USP24: variants seen among roughly 807,000 people sequenced by gnomAD.
USP24 encodes ubiquitin specific peptidase 24, also known as ubiquitin carboxyl-terminal hydrolase 24.
Under a neutral mutation model 361.6 loss-of-function variants are expected in USP24, and 97 were observed. The ratio of observed to expected loss-of-function variants is 0.27; its 90% CI spans 0.23 to 0.32. The LOEUF is 0.32. USP24 is among the 10% of genes least tolerant of loss of function. The pLI is 1.00. For synonymous variants in USP24, 1,098 were observed against 1,124.6 expected (o/e 0.98, Z 0.47); for missense variants, 2,353 against 3,165.6 (o/e 0.74, Z 6.16).
rs762634378 is a variant in USP24 at position 55,178,060 on chromosome 1, T to C, written c.397A>G (p.Ser133Gly). 171 of 1,551,510 alleles carry C rather than the reference T, an allele frequency of 1.1e-4. No individual in the cohort carries two copies. Among genetic ancestry groups the C allele is most frequent in the Admixed American group, 2.0e-4 (10 of 50,982 alleles). ...GACCAATGATCAGTCAAAACACGGC[T>C]TTCCAGTTCATATAAATTTGTTGTA... ...FPTTNLYELE[S>G]RVLTDHWSIP... The change falls in exon 2 of 68, where the codon AGC becomes GGC. Residue 133 changes from serine (S) to glycine (G), a missense_variant. Physicochemically the swap from Ser to Gly is moderately conservative, Grantham distance 56. Coordinates refer to ENST00000294383, the MANE Select transcript of USP24 (RefSeq NM_015306.3).
At chr1:55,206,045 G>A (rs540559118) in intron 1 of USP24, among the ~76,000 whole-genome samples, 2 of 152,246 alleles carry the variant, frequency 1.3e-5, no homozygotes, top group Non-Finnish European at 2.9e-5. Context: ...GCAAGAAACA[G>A]AACCCTGAAC....
Position 55,094,067 on chromosome 1 carries a change from T to C in USP24, c.6224A>G (p.Glu2075Gly). Residue 2075 changes from glutamate (E) to glycine (G), a missense_variant, in exon 52 of 68, where the codon GAA (glutamate) becomes GGA (glycine). By Grantham distance (98) the Glu-to-Gly change is moderately conservative. Transcript: ENST00000294383. ...DLSLSAPSSP[E>G]ISPQSSPRPH... ...CCGAGGGGATGACTGAGGTGAAATT[T>C]CTGGTGAAGATGGAGCTGACCTAAG... 6.2e-7 allele frequency: 1 copy of C among 1,613,402 alleles called. No individual in the cohort carries two copies. The highest frequency in any genetic ancestry group is 8.5e-7 in the Non-Finnish European group (1 of 1,179,622).
At chr1:55,070,857 G>A (rs1355157604) in intron 67 of USP24, among the ~76,000 whole-genome samples, 5 of 152,190 alleles carry the variant, frequency 3.3e-5, no homozygotes, top group Admixed American at 2.6e-4. Context: ...GGGGATGAGC[G>A]CTAGGGGCTT....
At chr1:55,124,675 A>G (rs41302792) in intron 34 of USP24, 47 bp from the exon 35 acceptor site, 49,701 of 1,596,802 alleles carry the variant, frequency 0.031, 886 homozygotes, top group Non-Finnish European at 0.036. Context: ...ACTTGAACAC[A>G]TGCCCTGACA....
Position 55,125,327 on chromosome 1 carries a change from G to A in USP24, c.3953C>T (p.Ala1318Val), listed in dbSNP as rs1234003323. ...VEEIIPAARV[A>V]IQTMEVSDFT... ...AATACACAAATCACTTACTTGTATT[G>A]CAACTCGAGCAGCAGGGATGATTTC... The change falls in exon 34 of 68, where the codon GCA becomes GTA. Residue 1318 changes from alanine to valine, a missense_variant. Transcript: ENST00000294383. 6.2e-7 allele frequency: 1 copy of A among 1,613,528 alleles called. No homozygotes were observed. The highest frequency in any genetic ancestry group is 8.5e-7 in the Non-Finnish European group (1 of 1,179,492).
At chr1:55,117,891 A>G (rs1646167897) in intron 38 of USP24, among the ~76,000 whole-genome samples, 1 of 152,170 alleles carries the variant, frequency 6.6e-6, no homozygotes, top group Non-Finnish European at 1.5e-5. Flanking sequence ...TTCCACTTAC[A>G]ATAGCATCAA....
chr1:55,159,468 T>C, intron 9 of USP24, 143 bp downstream of exon 9: 1 of 700,870 alleles, frequency 1.4e-6, no homozygotes, highest in Non-Finnish European at 2.3e-6. Flanking sequence ...CAGCACTTTT[T>C]AATTAGGAAA....
intron 1 of USP24, among the ~76,000 whole-genome samples, chr1:55,197,530 G>T (rs147427857): frequency 1.3e-5 from 2 of 152,316 alleles, no homozygotes; most frequent in Non-Finnish European, 2.9e-5. Flanking sequence ...ACAGAGAATT[G>T]TATGTGTGTT....
rs2864125 is a variant in USP24 at position 55,175,354 on chromosome 1, G to A, written c.558+1022C>T. Among the ~76,000 whole-genome samples the A allele has an allele frequency of 3.2e-3, 486 of 150,550 alleles. 3 individuals are homozygous for A. The highest frequency in any genetic ancestry group is 0.011 in the African/African-American group (451 of 41,008). ...AGATTCTCCTGCCTCAGCCTCCTGCGTAGCTGGGATTATAGGTGCCCACCA... is the reference window on the plus strand; with the variant it reads ...AGATTCTCCTGCCTCAGCCTCCTGCATAGCTGGGATTATAGGTGCCCACCA... On this transcript the variant is annotated intron_variant, in intron 3 of 67. Transcript: ENST00000294383.
At chr1:55,204,420 T>C (rs1644653361) in intron 1 of USP24, among the ~76,000 whole-genome samples, 1 of 151,418 alleles carries the variant, frequency 6.6e-6, no homozygotes, top group Non-Finnish European at 1.5e-5. Context: ...ATATTAAACA[T>C]CTAACAGGCA....
At chr1:55,181,805 A>T (rs1446015346) in intron 1 of USP24, among the ~76,000 whole-genome samples, 4 of 152,204 alleles carry the variant, frequency 2.6e-5, no homozygotes, top group African/African-American at 4.8e-5. Flanking sequence ...AATCCAAGTC[A>T]TCAATTGAAG....
At chr1:55,139,561 T>G (rs562520482) in intron 24 of USP24, among the ~76,000 whole-genome samples, 1 of 152,302 alleles carries the variant, frequency 6.6e-6, no homozygotes, top group African/African-American at 2.4e-5. Flanking sequence ...ACTGCAATAT[T>G]CATCAGCTTA....
At chr1:55,162,335 C>A in intron 7 of USP24, 71 bp from the exon 8 acceptor site, 2 of 1,351,672 alleles carry the variant, frequency 1.5e-6, no homozygotes, top group South Asian at 3.3e-5. Flanking sequence ...AAACAAATCC[C>A]TTTTCATGTA....
chr1:55,147,736 G>C lies in USP24; in HGVS notation c.2031C>G (p.Ile677Met), dbSNP rs1037223065. The part of the protein sequence containing the change: ...EIVKLVTGSL[I>M]ACHRLAAAVA... ...CAGCAGCTGCAAGCCGATGACAAGC[G>C]ATCAAACTTCCCGTTACCAATTTCA... The change falls in exon 18 of 68, where the codon ATC becomes ATG. Residue 677 changes from isoleucine to methionine, a missense_variant. By Grantham distance (10) the Ile-to-Met change is conservative (BLOSUM62 1). Around this residue, in one of 8 missense-constraint regions of USP24, gnomAD observed 949 missense variants for 1,280.5 expected, o/e 0.74. Coordinates refer to ENST00000294383, the MANE Select transcript of USP24 (RefSeq NM_015306.3). 1.9e-6 allele frequency: 3 copies of C among 1,612,654 alleles called. No homozygotes were observed.
In USP24 at chr1:55,166,574, T is replaced by C; in HGVS notation, c.855A>G (p.Val285=). 1.3e-6 allele frequency: 2 copies of C among 1,592,522 alleles called. No homozygotes were observed. The highest frequency in any genetic ancestry group is 1.7e-6 in the Non-Finnish European group (2 of 1,169,258). ...ATTAACAAAAGTCATATACCTTATTTACCAAATCCACAACCCATCCATGAG... is the reference window on the plus strand; with the variant it reads ...ATTAACAAAAGTCATATACCTTATTCACCAAATCCACAACCCATCCATGAG... ...KEPHGWVVDL[V]NKFGELGGFA... The change falls in exon 6 of 68, where the codon GTA becomes GTG. Residue 285 remains valine (V), a synonymous_variant. Coordinates refer to ENST00000294383, the MANE Select transcript of USP24 (RefSeq NM_015306.3).
intron 1 of USP24, among the ~76,000 whole-genome samples, chr1:55,205,173 A>G (rs1007486985): frequency 1.3e-5 from 2 of 152,232 alleles, no homozygotes; most frequent in Non-Finnish European, 2.9e-5. Flanking sequence ...TGGCCAAAAA[A>G]GGGGCTCTAA....
chr1:55,155,620 C>A (rs1480909793), intron 12 of USP24, among the ~76,000 whole-genome samples: 3 of 152,170 alleles, frequency 2.0e-5, no homozygotes, highest in Non-Finnish European at 4.4e-5. Flanking sequence ...TTTACTCCTG[C>A]ACCTGACTTT....
Position 55,098,068 on chromosome 1 carries a change from C to T in USP24, c.5470G>A (p.Ala1824Thr), listed in dbSNP as rs1442947925. Residue 1824 changes from alanine (A) to threonine (T), a missense_variant, in exon 47 of 68, where the codon GCT becomes ACT. By Grantham distance (58) the Ala-to-Thr change is moderately conservative. Coordinates refer to ENST00000294383, the MANE Select transcript of USP24 (RefSeq NM_015306.3). ...ACTCCTAGATTGAGAGCCATGAAAG[C>T]TTCTTCACGCTCATATCTGATTAGG... ...DCPHRYEREE[A>T]FMALNLGVTS... 5 of 1,606,188 alleles carry T rather than the reference C, an allele frequency of 3.1e-6. No homozygotes were observed. The highest frequency in any genetic ancestry group is 4.2e-6 in the Non-Finnish European group (5 of 1,177,640).
intron 1 of USP24, among the ~76,000 whole-genome samples, chr1:55,192,487 G>T (rs187807034): frequency 1.6e-4 from 25 of 152,266 alleles, no homozygotes; most frequent in Admixed American, 9.2e-4. Flanking sequence ...AAATGAAGAT[G>T]ACAGACTGAT....
Sources: gnomAD v4.1 joint callset for allele counts (sites outside exome capture counted in the v4.1 genomes callset) on GRCh38, gnomAD v4.1.1 for gene constraint, gnomAD v4.1.1 regional missense constraint, MANE v1.5 for transcripts, NCBI Gene and HGNC (gene_info 2026-07-23, HGNC 2026-07-21) for gene names.